The following MTUS2 variants were observed in gnomAD, a reference collection of about 807,000 sequenced individuals.
MTUS2 encodes microtubule associated scaffold protein 2.
A neutral mutation model predicts 114.1 loss-of-function variants in MTUS2; 40 were observed. The observed-to-expected ratio is 0.35, with a 90% CI of 0.27 to 0.46. The LOEUF (loss-of-function observed/expected upper bound fraction) is 0.46. Ranked by LOEUF, MTUS2 falls within the 20% of genes least tolerant of loss-of-function variation. MTUS2 has a pLI of 1.00. For missense variants in MTUS2, 1,679 were observed against 1,705.4 expected (o/e 0.98, Z 0.27); for synonymous variants, 688 against 672.0 (o/e 1.02, Z -0.37).
intron 5 of MTUS2, among the ~76,000 whole-genome samples, chr13:29,261,258 C>T (rs976725162): frequency 6.6e-6 from 1 of 152,170 alleles, no homozygotes; most frequent in Admixed American, 6.5e-5. Context: ...ATTTCATATT[C>T]CCCAGAAGCT....
intron 2 of MTUS2, among the ~76,000 whole-genome samples, chr13:28,959,859 C>T (rs1307940795): frequency 6.6e-6 from 1 of 152,214 alleles, no homozygotes; most frequent in Non-Finnish European, 1.5e-5. Context: ...CGTATCACAC[C>T]ACCTGTCAGT....
intron 2 of MTUS2, among the ~76,000 whole-genome samples, chr13:28,870,329 C>T (rs1239659285): frequency 6.6e-6 from 1 of 152,124 alleles, no homozygotes; most frequent in Non-Finnish European, 1.5e-5. Flanking sequence ...AGTAAAACAA[C>T]AACAATCTTG....
chr13:29,054,489 A>G (rs952123735), intron 4 of MTUS2, among the ~76,000 whole-genome samples: 5 of 152,138 alleles, frequency 3.3e-5, no homozygotes, highest in African/African-American at 9.6e-5. Context: ...TTAGAGATAG[A>G]AATTAGAATA....
intron 4 of MTUS2, among the ~76,000 whole-genome samples, chr13:29,071,263 G>A (rs1366555910): frequency 6.6e-6 from 1 of 151,606 alleles, no homozygotes; most frequent in Non-Finnish European, 1.5e-5. Context: ...GCCTCCCAAA[G>A]TGCTGGGATT....
At chr13:29,323,324 A>G (rs1900333982) in intron 6 of MTUS2, among the ~76,000 whole-genome samples, 1 of 150,746 alleles carries the variant, frequency 6.6e-6, no homozygotes, top group Admixed American at 6.6e-5. Flanking sequence ...ATCTCGGCTC[A>G]CTGCAAGCGC....
intron 9 of MTUS2, chr13:29,476,368 A>ATAG (rs1555284030): frequency 6.6e-6 from 1 of 152,224 alleles, no homozygotes; most frequent in African/African-American, 2.4e-5. Flanking sequence ...TAGGGTTTTC[A>ATAG]TTGTTTTATT....
At chr13:29,332,459 T>G (rs1900828066) in intron 7 of MTUS2, among the ~76,000 whole-genome samples, 1 of 152,172 alleles carries the variant, frequency 6.6e-6, no homozygotes, top group African/African-American at 2.4e-5. Flanking sequence ...TCTTCTTTAT[T>G]AGTCTGGCTA....
At chr13:29,298,430 A>T (rs1210764105) in intron 6 of MTUS2, among the ~76,000 whole-genome samples, 5 of 152,168 alleles carry the variant, frequency 3.3e-5, no homozygotes, top group Non-Finnish European at 7.4e-5. Context: ...ACATTTAGGG[A>T]TTTCTGGTCA....
At chr13:29,454,280 A>C (rs1485984861) in intron 9 of MTUS2, among the ~76,000 whole-genome samples, 2 of 152,200 alleles carry the variant, frequency 1.3e-5, no homozygotes, top group Non-Finnish European at 2.9e-5. Flanking sequence ...GAACATGGTC[A>C]GAGTTTAGCC....
chr13:29,194,923 T>G lies in MTUS2; in HGVS notation c.2645-86781T>G, dbSNP rs926989922. On this transcript the variant is annotated intron_variant, in intron 5 of 15. Coordinates refer to ENST00000612955, the MANE Select transcript of MTUS2 (RefSeq NM_001033602.4). ...TGGAATACTATGCAGCCATAAAAAA[T>G]GATGAGTTCATGTCCTTTGTAGGGA... 3.2e-4 allele frequency among the ~76,000 whole-genome samples: 48 copies of G among 148,614 alleles called. No individual in the cohort carries two copies. In the East Asian group the frequency reaches 6.1e-3, roughly 19 times the overall value.
At chr13:29,102,292 A>G (rs1890453016) in intron 5 of MTUS2, among the ~76,000 whole-genome samples, 1 of 152,148 alleles carries the variant, frequency 6.6e-6, no homozygotes, top group Admixed American at 6.5e-5. Flanking sequence ...TCTTTTTTAG[A>G]GAAAGTAGTA....
At chr13:28,999,062 G>A (rs1885259367) in intron 2 of MTUS2, among the ~76,000 whole-genome samples, 1 of 152,126 alleles carries the variant, frequency 6.6e-6, no homozygotes, top group Admixed American at 6.5e-5. Flanking sequence ...GTACAGATAG[G>A]TTTTTGGTGT....
chr13:29,115,652 C>T (rs1891057151), intron 5 of MTUS2, among the ~76,000 whole-genome samples: 1 of 152,188 alleles, frequency 6.6e-6, no homozygotes, highest in South Asian at 2.1e-4. Flanking sequence ...TTCATAATTA[C>T]ATACGAAAAT....
intron 2 of MTUS2, among the ~76,000 whole-genome samples, chr13:28,981,950 C>T (rs573936594): frequency 1.4e-4 from 21 of 152,240 alleles, no homozygotes; most frequent in South Asian, 2.1e-4. Context: ...TAATTGCTTC[C>T]GAGTGCCCCA....
chr13:28,845,197 G>A (rs985278126), intron 2 of MTUS2, among the ~76,000 whole-genome samples: 5 of 151,954 alleles, frequency 3.3e-5, no homozygotes, highest in East Asian at 1.9e-4. Flanking sequence ...CCATCCTTCT[G>A]CCTCCGCCTC....
chr13:28,982,425 A>T (rs2138299924), intron 2 of MTUS2, among the ~76,000 whole-genome samples: 1 of 152,346 alleles, frequency 6.6e-6, no homozygotes, highest in South Asian at 2.1e-4. Context: ...GTAGGAATGT[A>T]AAATGCTGCT....
intron 4 of MTUS2, among the ~76,000 whole-genome samples, chr13:29,048,781 T>G (rs1449798790): frequency 7.9e-5 from 12 of 152,136 alleles, no homozygotes; most frequent in Non-Finnish European, 4.4e-5. Flanking sequence ...ATTTTTGTAT[T>G]TTTTATAGTG....
intron 2 of MTUS2, among the ~76,000 whole-genome samples, chr13:28,867,605 A>T (rs1213268877): frequency 6.6e-6 from 1 of 152,250 alleles, no homozygotes; most frequent in African/African-American, 2.4e-5. Context: ...TTTAAACTCT[A>T]TTACAACTCT....
At chr13:29,407,191 A>G (rs1874824168) in intron 8 of MTUS2, among the ~76,000 whole-genome samples, 1 of 152,170 alleles carries the variant, frequency 6.6e-6, no homozygotes, top group Admixed American at 6.5e-5. Flanking sequence ...GGTTGCAGTG[A>G]GCTGAGGTCG....
Sources: allele counts gnomAD v4.1 joint callset (sites outside exome capture counted in the v4.1 genomes callset), GRCh38; gene constraint gnomAD v4.1.1; transcripts MANE v1.5; gene names NCBI Gene and HGNC (gene_info 2026-07-23, HGNC 2026-07-21).